The following ACOXL variants were observed in gnomAD, a reference collection of about 807,000 sequenced individuals.
The protein encoded by ACOXL is acyl-coenzyme A oxidase-like protein.
ACOXL carries 70 observed loss-of-function variants against 71.9 expected under a neutral mutation model. The ratio of observed to expected loss-of-function variants is 0.97; its 90% CI spans 0.80 to 1.19. The LOEUF is 1.19. ACOXL is among the 50% of genes most tolerant of loss of function. ACOXL has a pLI of 0.00. For missense variants in ACOXL, 703 were observed against 736.3 expected (o/e 0.95, Z 0.52); for synonymous variants, 253 against 281.6 (o/e 0.90, Z 1.02).
intron 3 of ACOXL, among the ~76,000 whole-genome samples, chr2:110,790,683 G>A (rs964892484): frequency 4.6e-5 from 7 of 152,180 alleles, no homozygotes; most frequent in African/African-American, 1.4e-4. Flanking sequence ...CCAGGGGCAG[G>A]ACGCTGGGTA....
rs540068645 is a variant in ACOXL, at chr2:110,943,374, GAA to G, written c.1059+9735_1059+9736del. Among the ~76,000 whole-genome samples, 670 of 152,202 alleles carry G rather than the reference GAA, an allele frequency of 4.4e-3. 1 individual carries two copies. Among genetic ancestry groups the G allele is most frequent in the Non-Finnish European group, 7.5e-3 (511 of 68,002 alleles). On this transcript the variant is annotated intron_variant, in intron 12 of 17. Transcript: ENST00000439055. Reference sequence around the variant, plus strand: ...AAGGAAGAGAAAGAAAGAAAAGAGAGAAAATTGAGGCTCTGAGCAATTGGGTG... The same window carrying G: ...AAGGAAGAGAAAGAAAGAAAAGAGAGAATTGAGGCTCTGAGCAATTGGGTG...
At chr2:110,949,402 G>A (rs2061241893) in intron 12 of ACOXL, among the ~76,000 whole-genome samples, 1 of 151,592 alleles carries the variant, frequency 6.6e-6, no homozygotes, top group Non-Finnish European at 1.5e-5. Context: ...TATTTTATTG[G>A]TCAGAGATCT....
intron 12 of ACOXL, among the ~76,000 whole-genome samples, chr2:110,954,823 G>GT (rs397745749): frequency 6.6e-6 from 1 of 151,284 alleles, no homozygotes; most frequent in African/African-American, 2.4e-5. Flanking sequence ...ATTTAGTGTG[G>GT]TCTGTAGTTT....
intron 9 of ACOXL, among the ~76,000 whole-genome samples, chr2:110,808,910 C>T (rs1429696613): frequency 6.6e-6 from 1 of 152,238 alleles, no homozygotes; most frequent in African/African-American, 2.4e-5. Flanking sequence ...GCCTCATCCA[C>T]TGCTGTGTGT....
chr2:111,117,901 GGGCT>G lies in ACOXL; in HGVS notation c.*89_*92del. Reference sequence around the variant, plus strand: ...CGCCCAGAGCTGTGGCCGAGGCCGGGGGCTGGCACCCGCTGGGCCGCCACTCTCG... The same window carrying G: ...CGCCCAGAGCTGTGGCCGAGGCCGGGGGCACCCGCTGGGCCGCCACTCTCG... On this transcript the variant is annotated 3_prime_UTR_variant, in exon 18 of 18. Transcript: ENST00000439055. 7.0e-7 allele frequency: 1 copy of G among 1,425,558 alleles called. No homozygotes were observed. Among genetic ancestry groups the G allele is most frequent in the East Asian group, 2.5e-5 (1 of 39,654 alleles). 88.3% of individuals were successfully genotyped at this position (1,425,558 alleles called of 1,614,324 possible). A position where few individuals can be genotyped will look rare whatever the true frequency, so the allele number is the denominator to read the frequency against.
intron 11 of ACOXL, among the ~76,000 whole-genome samples, chr2:110,924,981 G>T (rs1180154066): frequency 6.6e-6 from 1 of 152,118 alleles, no homozygotes; most frequent in Non-Finnish European, 1.5e-5. Context: ...GCATGAAAAC[G>T]ACATGTATCT....
chr2:110,781,714 G>C (rs1683362824), intron 2 of ACOXL, among the ~76,000 whole-genome samples: 1 of 151,992 alleles, frequency 6.6e-6, no homozygotes, highest in African/African-American at 2.4e-5. Flanking sequence ...TCTTTTGGAG[G>C]GAAGGTCAGG....
chr2:110,788,519 G>GT (rs1005213315), intron 3 of ACOXL, among the ~76,000 whole-genome samples: 145 of 151,592 alleles, frequency 9.6e-4, no homozygotes, highest in African/African-American at 3.0e-3. Context: ...TGGGTACAGA[G>GT]TTTTTTTTTG....
chr2:110,852,412 C>T (rs558099817), intron 10 of ACOXL, among the ~76,000 whole-genome samples: 206 of 152,316 alleles, frequency 1.4e-3, no homozygotes, highest in Non-Finnish European at 1.8e-3. Flanking sequence ...TTCAGGCTCT[C>T]GACTTCCTCC....
intron 16 of ACOXL, among the ~76,000 whole-genome samples, chr2:111,082,414 G>T (rs1014147203): frequency 6.6e-6 from 1 of 151,484 alleles, no homozygotes; most frequent in Non-Finnish European, 1.5e-5. Context: ...ACCAACAAAC[G>T]TGAAAAAAAG....
At chr2:111,038,139 C>T (rs1002326037) in intron 15 of ACOXL, among the ~76,000 whole-genome samples, 1 of 152,188 alleles carries the variant, frequency 6.6e-6, no homozygotes, top group African/African-American at 2.4e-5. Flanking sequence ...TCTAATCCCC[C>T]ACTAGGCAGT....
chr2:110,774,165 G>A lies in ACOXL; in HGVS notation c.75+5701G>A, dbSNP rs149729511. On this transcript the variant is annotated intron_variant, in intron 2 of 17. Transcript: ENST00000439055. ...TTCCGTGTGCCAGGTGAGGTGATTC[G>A]TTCATTTTATAATTGTTTATTGAGC... 5.9e-5 allele frequency among the ~76,000 whole-genome samples: 9 copies of A among 152,162 alleles called. No homozygotes were observed. In the East Asian group the frequency reaches 9.7e-4, roughly 16 times the overall value.
intron 15 of ACOXL, among the ~76,000 whole-genome samples, chr2:111,043,267 G>C (rs2065868995): frequency 6.6e-6 from 1 of 152,214 alleles, no homozygotes. Flanking sequence ...CAACGTGCAG[G>C]AGACTGGCTG....
At chr2:111,003,883 C>G (rs917232338) in intron 14 of ACOXL, among the ~76,000 whole-genome samples, 5 of 152,140 alleles carry the variant, frequency 3.3e-5, no homozygotes, top group African/African-American at 1.2e-4. Context: ...ATAAGTCCAC[C>G]TCTGGTTTTA....
chr2:110,791,539 C>T (rs780448660), intron 3 of ACOXL, among the ~76,000 whole-genome samples: 2 of 152,214 alleles, frequency 1.3e-5, no homozygotes, highest in African/African-American at 2.4e-5. Context: ...GCTTCCATTT[C>T]CCATGTTGGA....
Position 111,035,399 on chromosome 2 carries a change from C to T in ACOXL, c.1369+3685C>T, listed in dbSNP as rs191825903. The stretch of plus-strand genomic sequence containing the variant: ...TCTGTGATACACATTTTTGTCTTGC[C>T]CTAGAAAGTGCAGCTCTGAAGCCTT... On this transcript the variant is annotated intron_variant, in intron 15 of 17. Transcript: ENST00000439055. 4.8e-4 allele frequency among the ~76,000 whole-genome samples: 73 copies of T among 152,150 alleles called. No homozygotes were observed. In the Middle Eastern group the frequency reaches 0.01, roughly 21 times the overall value.
chr2:110,839,959 A>G (rs1019597455), intron 9 of ACOXL, among the ~76,000 whole-genome samples: 6 of 73,862 alleles, frequency 8.1e-5, no homozygotes, highest in African/African-American at 2.4e-4. Flanking sequence ...AATGATATTC[A>G]GATGATGCTT....
chr2:110,866,715 G>A (rs1694628949), intron 10 of ACOXL, among the ~76,000 whole-genome samples: 2 of 152,118 alleles, frequency 1.3e-5, no homozygotes, highest in African/African-American at 4.8e-5. Flanking sequence ...AGGTCCCTTT[G>A]TCTGTCTCTG....
At chr2:110,822,778 C>T (rs1688766040) in intron 9 of ACOXL, among the ~76,000 whole-genome samples, 1 of 152,176 alleles carries the variant, frequency 6.6e-6, no homozygotes, top group African/African-American at 2.4e-5. Flanking sequence ...AGAGTAGCTT[C>T]ACCACCCCCA....
Sources: allele counts gnomAD v4.1 joint callset (sites outside exome capture counted in the v4.1 genomes callset), GRCh38; gene constraint gnomAD v4.1.1; transcripts MANE v1.5; gene names NCBI Gene and HGNC (gene_info 2026-07-23, HGNC 2026-07-21).